PHLDB2: variants seen among roughly 807,000 people sequenced by gnomAD.
PHLDB2 encodes the protein pleckstrin homology-like domain family B member 2.
In PHLDB2, 71 loss-of-function variants were observed where a neutral mutation model predicts 123.6. The observed-to-expected ratio is 0.57, with a 90% confidence interval of 0.47 to 0.70. The LOEUF is 0.70. Among genes scored for constraint, PHLDB2 ranks in the 30% least tolerant of loss-of-function variants. PHLDB2 has a pLI of 0.00. For missense variants in PHLDB2, 1,446 were observed against 1,519.5 expected (o/e 0.95, Z 0.80); for synonymous variants, 547 against 541.6 (o/e 1.01, Z -0.14).
chr3:111,954,008 G>A lies in PHLDB2; in HGVS notation c.2851G>A (p.Glu951Lys). 1 of 1,613,522 alleles carries A rather than the reference G, an allele frequency of 6.2e-7. No homozygotes were observed. ...ACTGGCAGCCATGGCCAAAGACTCA[G>A]AATCTCGGAGGATGCTCAGAGGTAC... ...PSLAAMAKDSESRRMLRGYNH... is the reference protein window; with the variant it reads ...PSLAAMAKDSKSRRMLRGYNH... The change falls in exon 12 of 18, where the codon GAA becomes AAA. Residue 951 changes from glutamate (E) to lysine (K), a missense_variant. Around this residue, in one of 3 missense-constraint regions of PHLDB2, gnomAD observed 594 missense variants for 646.0 expected, o/e 0.92. Coordinates refer to ENST00000431670, the MANE Select transcript of PHLDB2 (RefSeq NM_001134438.2).
intron 12 of PHLDB2, among the ~76,000 whole-genome samples, chr3:111,959,786 C>T (rs13062225): frequency 0.13 from 19,701 of 152,218 alleles, 1,600 homozygotes; most frequent in Non-Finnish European, 0.18. Flanking sequence ...GCAAGACATA[C>T]AGTTCCCTTA....
chr3:111,863,783 A>G (rs1333726903), intron 1 of PHLDB2, among the ~76,000 whole-genome samples: 4 of 152,208 alleles, frequency 2.6e-5, no homozygotes, highest in Non-Finnish European at 5.9e-5. Context: ...TTTAAAAAGC[A>G]TGGTATTTGT....
intron 1 of PHLDB2, among the ~76,000 whole-genome samples, chr3:111,812,595 G>A (rs2061889909): frequency 6.6e-6 from 1 of 152,092 alleles, no homozygotes; most frequent in East Asian, 1.9e-4. Context: ...TCCAGGCTTA[G>A]GATGAGTTTG....
chr3:111,841,647 C>G (rs2063701595), intron 1 of PHLDB2, among the ~76,000 whole-genome samples: 1 of 152,176 alleles, frequency 6.6e-6, no homozygotes, highest in Admixed American at 6.5e-5. Context: ...GTGCTCTGAA[C>G]ATCAGGAAAT....
chr3:111,879,870 C>A (rs1368414364), intron 1 of PHLDB2, among the ~76,000 whole-genome samples: 1 of 151,996 alleles, frequency 6.6e-6, no homozygotes, highest in Non-Finnish European at 1.5e-5. Flanking sequence ...CATCATCTGA[C>A]AGTGGTTTAG....
At chr3:111,935,075 G>A (rs1045584567) in intron 6 of PHLDB2, among the ~76,000 whole-genome samples, 1 of 149,064 alleles carries the variant, frequency 6.7e-6, no homozygotes, top group Admixed American at 6.7e-5. Flanking sequence ...CAAATGAATG[G>A]TTGATTTTGG....
intron 1 of PHLDB2, among the ~76,000 whole-genome samples, chr3:111,842,860 A>G (rs1274411129): frequency 6.6e-6 from 1 of 152,220 alleles, no homozygotes; most frequent in Non-Finnish European, 1.5e-5. Context: ...ATCATGTAAT[A>G]TGTGATCTTT....
chr3:111,795,547 A>G (rs1323928343), intron 1 of PHLDB2, among the ~76,000 whole-genome samples: 1 of 152,208 alleles, frequency 6.6e-6, no homozygotes, highest in Admixed American at 6.5e-5. Context: ...TTTATTTGAA[A>G]GTAAGTAGGC....
chr3:111,933,330 CCTT>C (rs1388851995), intron 6 of PHLDB2, among the ~76,000 whole-genome samples: 3 of 152,170 alleles, frequency 2.0e-5, no homozygotes, highest in African/African-American at 7.2e-5. Flanking sequence ...TATGTTTGTA[CCTT>C]CTTGGGAATG....
rs1294474907 is a variant in PHLDB2 at position 111,920,276 on chromosome 3, C to G, written c.1864-6C>G. Reference sequence around the variant, plus strand: ...AACACTTCTGAGCTTTGGTTTGTGTCCTTAGTTGGATATGGAATGTGCTCT... The same window carrying G: ...AACACTTCTGAGCTTTGGTTTGTGTGCTTAGTTGGATATGGAATGTGCTCT... On this transcript the variant is annotated splice_polypyrimidine_tract_variant and splice_region_variant and intron_variant, in intron 4 of 17. Transcript: ENST00000431670. 6.2e-7 allele frequency: 1 copy of G among 1,612,300 alleles called. No homozygotes were observed. Among genetic ancestry groups the G allele is most frequent in the Non-Finnish European group, 8.5e-7 (1 of 1,179,446 alleles).
rs374564938 is a variant in PHLDB2 at position 111,921,742 on chromosome 3, A to G, written c.2001+1323A>G. 8.6e-5 allele frequency among the ~76,000 whole-genome samples: 13 copies of G among 151,908 alleles called. 1 individual carries two copies. In the East Asian group the frequency reaches 1.4e-3, roughly 16 times the overall value. Reference sequence around the variant, plus strand: ...CTCAGCCTCCCAAGTAGCTGGGACTACAGGCACCCGCCACCACACCCGGCT... The same window carrying G: ...CTCAGCCTCCCAAGTAGCTGGGACTGCAGGCACCCGCCACCACACCCGGCT... On this transcript the variant is annotated intron_variant, in intron 5 of 17. Coordinates refer to ENST00000431670, the MANE Select transcript of PHLDB2 (RefSeq NM_001134438.2).
intron 5 of PHLDB2, among the ~76,000 whole-genome samples, chr3:111,924,117 C>T (rs905135087): frequency 6.6e-6 from 1 of 152,182 alleles, no homozygotes; most frequent in African/African-American, 2.4e-5. Flanking sequence ...CTGTTTTCCC[C>T]TACCTGGAAT....
At chr3:111,852,079 T>G (rs1478757636) in intron 2 of PHLDB2, among the ~76,000 whole-genome samples, 2 of 152,086 alleles carry the variant, frequency 1.3e-5, no homozygotes, top group Non-Finnish European at 2.9e-5. Flanking sequence ...ATTATCATAT[T>G]ACAGTTATAT....
At chr3:111,967,975 CAAAAAAAA>C (rs58918022) in intron 15 of PHLDB2, 151 bp downstream of exon 15, 77 of 67,794 alleles carry the variant, frequency 1.1e-3, no homozygotes, top group East Asian at 2.5e-3. Flanking sequence ...CATTCCTGTG[CAAAAAAAA>C]AAAAAAAAAA....
intron 1 of PHLDB2, among the ~76,000 whole-genome samples, chr3:111,866,930 G>GGGGTGTGTGTGTGT (rs368134623): frequency 3.2e-5 from 4 of 126,004 alleles, no homozygotes; most frequent in South Asian, 2.6e-4. Flanking sequence ...GTTTCTAAGG[G>GGGGTGTGTGTGTGT]GTGTGTGTGT....
At chr3:111,888,752 C>T (rs1455343571) in intron 2 of PHLDB2, among the ~76,000 whole-genome samples, 1 of 152,152 alleles carries the variant, frequency 6.6e-6, no homozygotes, top group African/African-American at 2.4e-5. Flanking sequence ...ATTTTTAATG[C>T]ATTACATTAA....
chr3:111,937,289 C>T (rs2069554072), intron 6 of PHLDB2, among the ~76,000 whole-genome samples: 1 of 152,014 alleles, frequency 6.6e-6, no homozygotes, highest in African/African-American at 2.4e-5. Context: ...ATATAAAAAC[C>T]AGAGTGGGGA....
At chr3:111,896,224 A>G (rs1392133391) in intron 2 of PHLDB2, among the ~76,000 whole-genome samples, 1 of 152,112 alleles carries the variant, frequency 6.6e-6, no homozygotes, top group Non-Finnish European at 1.5e-5. Flanking sequence ...AACTATTGGG[A>G]TTACAGGCGT....
chr3:111,796,710 T>G (rs55865927), intron 1 of PHLDB2, among the ~76,000 whole-genome samples: 1 of 151,964 alleles, frequency 6.6e-6, no homozygotes, highest in African/African-American at 2.4e-5. Context: ...TATTTTTAGC[T>G]GAGACAGGGT....
Sources: allele counts gnomAD v4.1 joint callset (sites outside exome capture counted in the v4.1 genomes callset), GRCh38; gene constraint gnomAD v4.1.1; regional missense constraint gnomAD v4.1.1; transcripts MANE v1.5; gene names NCBI Gene and HGNC (gene_info 2026-07-23, HGNC 2026-07-21).